The following BIN2 variants were observed in gnomAD, a reference collection of about 807,000 sequenced individuals.
The protein encoded by BIN2 is bridging integrator 2, also known as breast cancer associated protein BRAP1.
A neutral mutation model predicts 67.9 loss-of-function variants in BIN2; 43 were observed. The ratio of observed to expected loss-of-function variants is 0.63; its 90% confidence interval spans 0.50 to 0.82. The LOEUF is 0.82. Ranked by LOEUF, BIN2 falls within the 40% of genes least tolerant of loss-of-function variation. BIN2 has a pLI of 0.00. For synonymous variants in BIN2, 244 were observed against 246.8 expected, an observed-to-expected ratio of 0.99 and a Z score of 0.11; for missense variants, 581 against 671.6, an observed-to-expected ratio of 0.87 and a Z score of 1.49.
chr12:51,284,661 T>C, intron 12 of BIN2, 55 bp downstream of exon 12: 1 of 1,415,686 alleles, frequency 7.1e-7, no homozygotes, highest in South Asian at 1.2e-5. Context: ...TCCAGCCTTT[T>C]CCCAAACCCC....
At chr12:51,299,116 T>C (rs772322178) in intron 7 of BIN2, 87 bp downstream of exon 7, 18 of 937,982 alleles carry the variant, frequency 1.9e-5, no homozygotes, top group Non-Finnish European at 2.8e-5. Flanking sequence ...GGAATTTAAA[T>C]CTAAAACACT....
intron 1 of BIN2, 100 bp from the exon 2 acceptor site, chr12:51,314,003 A>G: frequency 1.5e-6 from 1 of 646,746 alleles, no homozygotes. Context: ...CTCACTTACA[A>G]CTCAAGGGCT....
chr12:51,324,126 C>A lies in BIN2; in HGVS notation c.-24G>T. ...ATCCTGCCAACTCCCTGGGGGCCGC[C>A]GCCCTGGCCCCGCGCCCTGTGGTTT... On this transcript the variant is annotated 5_prime_UTR_variant, in exon 1 of 13. Coordinates refer to ENST00000615107, the MANE Select transcript of BIN2 (RefSeq NM_016293.4). 3 of 1,610,838 alleles carry A rather than the reference C, an allele frequency of 1.9e-6. 1 individual carries two copies. Among genetic ancestry groups the A allele is most frequent in the Middle Eastern group, 1.7e-4 (1 of 5,922 alleles).
chr12:51,322,809 C>A, intron 1 of BIN2: 1 of 152,252 alleles, frequency 6.6e-6, no homozygotes. Context: ...TTCCCTTTTC[C>A]TCCTCTCTTT....
At chr12:51,293,047 G>C (rs992319342) in intron 9 of BIN2, among the ~76,000 whole-genome samples, 1 of 151,778 alleles carries the variant, frequency 6.6e-6, no homozygotes, top group African/African-American at 2.4e-5. Context: ...ATTAAATAAG[G>C]TATCTTTAAA....
intron 11 of BIN2, among the ~76,000 whole-genome samples, chr12:51,286,518 T>C (rs1231729776): frequency 6.6e-6 from 1 of 152,256 alleles, no homozygotes; most frequent in East Asian, 1.9e-4. Context: ...TCCTATAAAC[T>C]CCTCCCTTCA....
At position 51,299,631 on chromosome 12, in the gene BIN2, C is replaced by T. The variant is rs150740618; in HGVS notation, c.492G>A (p.Lys164=). ...CCTTGGCAGTCTTGGCCTCATCTTT[C>T]TTCTTGGCATTCTGCACTGCCTCCA... The part of the protein sequence containing the change: ...HHLEAVQNAK[K]KDEAKTAKAE... The change falls in exon 6 of 13, where the codon AAG becomes AAA. Residue 164 remains lysine (K), a synonymous_variant. Transcript: ENST00000615107. 2.7e-3 allele frequency: 4,312 copies of T among 1,614,120 alleles called. 14 individuals carry two copies. Among genetic ancestry groups the T allele is most frequent in the Non-Finnish European group, 3.1e-3 (3,703 of 1,180,026 alleles).
At chr12:51,303,953 A>C (rs1945799726) in intron 2 of BIN2, among the ~76,000 whole-genome samples, 1 of 152,202 alleles carries the variant, frequency 6.6e-6, no homozygotes, top group African/African-American at 2.4e-5. Flanking sequence ...GCTCTGTTAA[A>C]ACTTTTTCTG....
chr12:51,318,127 T>A (rs960477978), intron 1 of BIN2, among the ~76,000 whole-genome samples: 1 of 152,174 alleles, frequency 6.6e-6, no homozygotes, highest in South Asian at 2.1e-4. Context: ...ATGGCTGTTA[T>A]GGGGAGTGGT....
At chr12:51,318,594 C>T (rs1201293307) in intron 1 of BIN2, among the ~76,000 whole-genome samples, 1 of 152,124 alleles carries the variant, frequency 6.6e-6, no homozygotes, top group Admixed American at 6.6e-5. Flanking sequence ...GTGTCTCATT[C>T]CTGGAGCTCT....
chr12:51,324,136 C>T lies in BIN2; in HGVS notation c.-34G>A, dbSNP rs1946370694. On this transcript the variant is annotated 5_prime_UTR_variant, in exon 1 of 13. Transcript: ENST00000615107. ...CTCCCTGGGGGCCGCCGCCCTGGCC[C>T]CGCGCCCTGTGGTTTTCTGAGGCCC... is the stretch of plus-strand genomic sequence containing the variant. 5.6e-6 allele frequency: 9 copies of T among 1,609,694 alleles called. No homozygotes were observed. Among genetic ancestry groups the T allele is most frequent in the East Asian group, 2.2e-5 (1 of 44,714 alleles).
chr12:51,312,065 C>T (rs560190546), intron 2 of BIN2, among the ~76,000 whole-genome samples: 1 of 152,270 alleles, frequency 6.6e-6, no homozygotes, highest in South Asian at 2.1e-4. Context: ...AGCCACTGCA[C>T]CCGGCCTGAT....
chr12:51,320,634 CTTT>C (rs76824967), intron 1 of BIN2, among the ~76,000 whole-genome samples: 17,006 of 98,540 alleles, frequency 0.17, 1,074 homozygotes, highest in African/African-American at 0.25. Flanking sequence ...TATCATTATT[CTTT>C]TTTTTTTTTT....
intron 1 of BIN2, among the ~76,000 whole-genome samples, chr12:51,317,816 G>A (rs544842407): frequency 4.0e-5 from 6 of 151,736 alleles, no homozygotes; most frequent in Non-Finnish European, 8.8e-5. Context: ...ATGAAACCCC[G>A]TCTCTACTAA....
At chr12:51,316,156 CT>C (rs1396158792) in intron 1 of BIN2, among the ~76,000 whole-genome samples, 2 of 152,130 alleles carry the variant, frequency 1.3e-5, no homozygotes, top group African/African-American at 2.4e-5. Context: ...TTAAAATCTT[CT>C]AATGGTTCCC....
intron 10 of BIN2, among the ~76,000 whole-genome samples, chr12:51,291,017 C>T (rs952886987): frequency 4.6e-5 from 7 of 151,922 alleles, no homozygotes; most frequent in African/African-American, 1.7e-4. Flanking sequence ...GGTGTGGTGG[C>T]GTGCACCTGT....
At chr12:51,298,867 G>A (rs1316236681) in intron 7 of BIN2, among the ~76,000 whole-genome samples, 9 of 151,884 alleles carry the variant, frequency 5.9e-5, no homozygotes, top group Non-Finnish European at 1.5e-5. Flanking sequence ...CCAGGAGTTC[G>A]AGACCAGCCT....
chr12:51,284,270 A>G (rs1004182083), intron 12 of BIN2, among the ~76,000 whole-genome samples: 3 of 152,194 alleles, frequency 2.0e-5, no homozygotes, highest in African/African-American at 7.2e-5. Flanking sequence ...TGCCTACAGA[A>G]TTCAGTAAAG....
In BIN2 at chr12:51,299,610, G is replaced by A. The variant is rs764653272; in HGVS notation, c.513C>T (p.Ala171=). 1.9e-4 allele frequency: 314 copies of A among 1,613,424 alleles called. 1 individual carries two copies. The highest frequency in any genetic ancestry group is 5.1e-6 in the Non-Finnish European group (6 of 1,179,634). Residue 171 remains alanine, a synonymous_variant, in exon 6 of 13, where the codon GCC becomes GCT. Coordinates refer to ENST00000615107, the MANE Select transcript of BIN2 (RefSeq NM_016293.4). The stretch of plus-strand genomic sequence containing the variant: ...TTTGTTGTTGTTTTTGTTTTACCTT[G>A]GCAGTCTTGGCCTCATCTTTCTTCT... ...NAKKKDEAKT[A]KAEEEFNKAQ...
Sources: allele counts gnomAD v4.1 joint callset (sites outside exome capture counted in the v4.1 genomes callset), GRCh38; gene constraint gnomAD v4.1.1; transcripts MANE v1.5; gene names NCBI Gene and HGNC (gene_info 2026-07-23, HGNC 2026-07-21).